Variants in MUSK observed in about 807,000 individuals in gnomAD.
The protein encoded by MUSK is muscle, skeletal receptor tyrosine-protein kinase.
Under a neutral mutation model 88.7 loss-of-function variants are expected in MUSK, and 55 were observed. That is an observed-to-expected ratio of 0.62 (90% CI 0.50 to 0.78). The LOEUF (loss-of-function observed/expected upper bound fraction) is 0.78, where lower values mean the gene tolerates loss of function less well. Ranked by LOEUF, MUSK falls within the 30% of genes least tolerant of loss-of-function variation. The pLI is 0.00. For synonymous variants in MUSK, 387 were observed against 391.9 expected (o/e 0.99, Z 0.15); for missense variants, 1,015 against 1,074.3 (o/e 0.94, Z 0.77).
At chr9:110,677,448 G>C (rs897773163) in intron 1 of MUSK, among the ~76,000 whole-genome samples, 1 of 152,130 alleles carries the variant, frequency 6.6e-6, no homozygotes, top group African/African-American at 2.4e-5. Flanking sequence ...TTTGTGAAAC[G>C]TGTGCTACTC....
chr9:110,689,825 TATAA>T (rs1212396887), intron 3 of MUSK, among the ~76,000 whole-genome samples: 1 of 98,730 alleles, frequency 1.0e-5, no homozygotes, highest in Non-Finnish European at 1.8e-5. Context: ...TATTTAAATA[TATAA>T]ATATGTAACT....
chr9:110,735,847 G>T (rs1189686702), intron 6 of MUSK, among the ~76,000 whole-genome samples: 2 of 151,836 alleles, frequency 1.3e-5, no homozygotes, highest in Non-Finnish European at 2.9e-5. Context: ...GAGAGGAAAG[G>T]TGCCACACAC....
rs1209266461 is a variant in MUSK at position 110,786,246 on chromosome 9, G to A, written c.1778+528G>A. Among the ~76,000 whole-genome samples the A allele has an allele frequency of 2.7e-5, 4 of 149,494 alleles. No homozygotes were observed. In the South Asian group the frequency reaches 8.4e-4, roughly 32 times the overall value. The stretch of plus-strand genomic sequence containing the variant: ...GAATTGCTTGAAGCCGGAAGACAGA[G>A]GTTGCAGTGAGCCAAGATCGCGCCA... On this transcript the variant is annotated intron_variant, in intron 13 of 14. Coordinates refer to ENST00000374448, the MANE Select transcript of MUSK (RefSeq NM_005592.4).
At chr9:110,691,186 G>A (rs999373036) in intron 3 of MUSK, among the ~76,000 whole-genome samples, 7 of 152,014 alleles carry the variant, frequency 4.6e-5, no homozygotes, top group African/African-American at 1.2e-4. Context: ...GTAGCCAATC[G>A]ATGACTCACT....
intron 5 of MUSK, among the ~76,000 whole-genome samples, chr9:110,697,979 C>A (rs998776345): frequency 1.3e-5 from 2 of 151,086 alleles, no homozygotes; most frequent in African/African-American, 2.4e-5. Flanking sequence ...TTATCAAAAT[C>A]GTTTTTCTTT....
At position 110,785,008 on chromosome 9, in the gene MUSK, T is replaced by C; in HGVS notation, c.1578T>C (p.Asn526=). ...YCCRRRKQWK[N]KKRESAAVTL... is the part of the protein sequence containing the mutation. The stretch of plus-strand genomic sequence containing the variant: ...GCCGAAGAAGAAAACAATGGAAAAA[T>C]AAGAAAAGGTGAGATTCTAGTTTCA... Residue 526 remains asparagine (N), a synonymous_variant, in exon 12 of 15, where the codon AAT becomes AAC. Coordinates refer to ENST00000374448, the MANE Select transcript of MUSK (RefSeq NM_005592.4). 1.9e-6 allele frequency: 3 copies of C among 1,613,330 alleles called. No homozygotes were observed. Among genetic ancestry groups the C allele is most frequent in the Non-Finnish European group, 2.5e-6 (3 of 1,179,594 alleles).
chr9:110,708,530 G>A (rs2076630771), intron 5 of MUSK, among the ~76,000 whole-genome samples: 1 of 152,102 alleles, frequency 6.6e-6, no homozygotes, highest in African/African-American at 2.4e-5. Context: ...ACAAACCTCT[G>A]ATATCCCTGG....
intron 7 of MUSK, among the ~76,000 whole-genome samples, chr9:110,758,699 G>T (rs2821150): frequency 0.12 from 17,925 of 152,190 alleles, 1,333 homozygotes; most frequent in East Asian, 0.31. Flanking sequence ...AGCTCCTTGA[G>T]CTGTTAAGCA....
intron 3 of MUSK, among the ~76,000 whole-genome samples, chr9:110,694,755 G>T (rs1258076996): frequency 6.6e-6 from 1 of 152,110 alleles, no homozygotes; most frequent in African/African-American, 2.4e-5. Flanking sequence ...TTCTTTGAAA[G>T]TTTCATATTT....
At chr9:110,747,936 A>G (rs1393510919) in intron 7 of MUSK, 136 bp downstream of exon 7, 4 of 1,193,074 alleles carry the variant, frequency 3.4e-6, no homozygotes, top group Non-Finnish European at 4.9e-6. Context: ...TTCCTCCCCC[A>G]TGGGGATACT....
intron 3 of MUSK, among the ~76,000 whole-genome samples, chr9:110,691,383 A>C (rs1426493308): frequency 6.6e-6 from 1 of 152,080 alleles, no homozygotes; most frequent in East Asian, 1.9e-4. Context: ...AGCTAACAAC[A>C]GTGTCTCAGT....
At chr9:110,767,286 C>T (rs1386090033) in intron 8 of MUSK, among the ~76,000 whole-genome samples, 1 of 152,106 alleles carries the variant, frequency 6.6e-6, no homozygotes, top group African/African-American at 2.4e-5. Flanking sequence ...TAATGGAATT[C>T]TAGGAAGATG....
intron 5 of MUSK, among the ~76,000 whole-genome samples, chr9:110,710,658 C>G (rs907484859): frequency 6.6e-6 from 1 of 151,862 alleles, no homozygotes; most frequent in Non-Finnish European, 1.5e-5. Context: ...TAAAGGGAAG[C>G]TTATCTAAGA....
At chr9:110,683,211 A>G (rs1256778468) in intron 2 of MUSK, among the ~76,000 whole-genome samples, 1 of 152,094 alleles carries the variant, frequency 6.6e-6, no homozygotes, top group Non-Finnish European at 1.5e-5. Flanking sequence ...AGATCCCACA[A>G]ATAAGTGAGA....
At chr9:110,686,101 G>A (rs891708365) in intron 2 of MUSK, among the ~76,000 whole-genome samples, 6 of 152,056 alleles carry the variant, frequency 3.9e-5, no homozygotes, top group African/African-American at 1.4e-4. Flanking sequence ...GTGTTGGCAG[G>A]GCTGAGTTCC....
At position 110,803,872 on chromosome 9, in the gene MUSK, G is replaced by A. The variant is rs1016861838; in HGVS notation, c.*2884G>A. Among the ~76,000 whole-genome samples the A allele has an allele frequency of 4.0e-5, 6 of 151,874 alleles. No individual in the cohort carries two copies. Among genetic ancestry groups the A allele is most frequent in the Admixed American group, 2.0e-4 (3 of 15,250 alleles). On this transcript the variant is annotated 3_prime_UTR_variant, in exon 15 of 15. Transcript: ENST00000374448. ...TAGAATCATCATATACATTCAAAAA[G>A]GTAGACAAAAGAGAGACACTCACAG...
chr9:110,732,580 G>T (rs2076979618), intron 5 of MUSK, among the ~76,000 whole-genome samples: 1 of 151,976 alleles, frequency 6.6e-6, no homozygotes, highest in Admixed American at 6.6e-5. Flanking sequence ...ATCTGGGTTT[G>T]ATTGAATTGC....
intron 11 of MUSK, 106 bp downstream of exon 11, chr9:110,776,761 C>A: frequency 2.0e-6 from 2 of 994,946 alleles, no homozygotes; most frequent in Middle Eastern, 2.2e-4. Context: ...AATGTACAGC[C>A]GCTCTCAAAG....
intron 8 of MUSK, 87 bp from the exon 9 acceptor site, chr9:110,767,733 G>T (rs2077505688): frequency 2.0e-6 from 3 of 1,474,300 alleles, no homozygotes; most frequent in Middle Eastern, 1.9e-4. Flanking sequence ...CTGAGACACA[G>T]ATGTGAAAAC....
Sources: gnomAD v4.1 joint callset for allele counts (sites outside exome capture counted in the v4.1 genomes callset) on GRCh38, gnomAD v4.1.1 for gene constraint, MANE v1.5 for transcripts, NCBI Gene and HGNC (gene_info 2026-07-23, HGNC 2026-07-21) for gene names.